PDE1C: variants seen among roughly 807,000 people sequenced by gnomAD.
The protein encoded by PDE1C is dual specificity calcium/calmodulin-dependent 3',5'-cyclic nucleotide phosphodiesterase 1C.
Under a neutral mutation model 93.1 loss-of-function variants are expected in PDE1C, and 62 were observed. The ratio of observed to expected loss-of-function variants is 0.67; its 90% CI spans 0.54 to 0.82. The LOEUF (loss-of-function observed/expected upper bound fraction) is 0.82. Ranked by LOEUF, PDE1C falls within the 40% of genes least tolerant of loss-of-function variation. The probability of loss-of-function intolerance (pLI) is 0.00; values close to 1 mark genes in which losing one functional copy is unlikely to be tolerated. For missense variants in PDE1C, 742 were observed against 884.6 expected, an observed-to-expected ratio of 0.84 and a Z score of 2.04; for synonymous variants, 325 against 310.1, an observed-to-expected ratio of 1.05 and a Z score of -0.50.
At chr7:32,225,024 A>T (rs377746160) in intron 1 of PDE1C, among the ~76,000 whole-genome samples, 12 of 94,138 alleles carry the variant, frequency 1.3e-4, no homozygotes, top group South Asian at 3.2e-4. Context: ...TTCTTATTTA[A>T]AAAAAAAAAA....
chr7:32,258,771 T>C (rs918124440), intron 1 of PDE1C, among the ~76,000 whole-genome samples: 10 of 152,234 alleles, frequency 6.6e-5, no homozygotes, highest in South Asian at 2.1e-4. Flanking sequence ...TGTGATTTTT[T>C]ACTCAAGCCA....
At chr7:31,749,065 C>A (rs989131737), downstream of PDE1C, among the ~76,000 whole-genome samples, 141 of 152,200 alleles carry the variant, frequency 9.3e-4, no homozygotes, top group African/African-American at 3.2e-3. Flanking sequence ...CCTGCAGGGA[C>A]AAGAAATCCT....
At chr7:32,412,161 C>A (rs1183406517) in intron 1 of PDE1C, among the ~76,000 whole-genome samples, 1 of 152,112 alleles carries the variant, frequency 6.6e-6, no homozygotes, top group Non-Finnish European at 1.5e-5. Context: ...GCATTGAAAG[C>A]AGACCAAATA....
chr7:31,785,816 G>A (rs1783866400), intron 16 of PDE1C: 1 of 152,186 alleles, frequency 6.6e-6, no homozygotes, highest in Non-Finnish European at 1.5e-5. Context: ...TCTTTGGTGA[G>A]AGAGAGGAAA....
At chr7:32,133,515 G>A (rs1423722904) in intron 3 of PDE1C, among the ~76,000 whole-genome samples, 6 of 152,152 alleles carry the variant, frequency 3.9e-5, no homozygotes, top group African/African-American at 1.4e-4. Flanking sequence ...CTGCTGCCAG[G>A]GAGTGAGGAA....
At chr7:32,209,348 G>A (rs1445749217) in intron 2 of PDE1C, 1 of 709,318 alleles carries the variant, frequency 1.4e-6, no homozygotes, top group East Asian at 2.9e-5. Context: ...GCTCAAGTGG[G>A]ATGTTAACCA....
chr7:32,057,457 G>A (rs570010693), intron 1 of PDE1C, among the ~76,000 whole-genome samples: 2 of 152,232 alleles, frequency 1.3e-5, no homozygotes, highest in African/African-American at 2.4e-5. Flanking sequence ...CAACGGCTTC[G>A]GTCCATTTAC....
At chr7:32,412,302 A>G (rs1338984390) in intron 1 of PDE1C, among the ~76,000 whole-genome samples, 3 of 151,874 alleles carry the variant, frequency 2.0e-5, no homozygotes, top group Non-Finnish European at 4.4e-5. Context: ...CTAAAAATAC[A>G]AAAATTAGCC....
At chr7:32,234,190 GA>G (rs938115310) in intron 1 of PDE1C, among the ~76,000 whole-genome samples, 1 of 151,654 alleles carries the variant, frequency 6.6e-6, no homozygotes, top group Non-Finnish European at 1.5e-5. Context: ...ATTTTATTAG[GA>G]AAAAAGAGTT....
chr7:31,775,779 A>G, intron 16 of PDE1C, 47 bp from the exon 17 acceptor site: 1 of 1,467,920 alleles, frequency 6.8e-7, no homozygotes, highest in East Asian at 2.3e-5. Context: ...TTGTGGAAAA[A>G]CCTGTTGGAC....
At chr7:31,666,838 A>G in the PDE1C span, among the ~76,000 whole-genome samples, 3 of 152,094 alleles carry the variant, frequency 2.0e-5, no homozygotes, top group East Asian at 5.8e-4. Flanking sequence ...TCTTTACCAG[A>G]TGTATGTTGT....
intron 9 of PDE1C, among the ~76,000 whole-genome samples, chr7:31,843,141 C>G (rs1170353719): frequency 6.6e-6 from 1 of 151,834 alleles, no homozygotes; most frequent in East Asian, 1.9e-4. Flanking sequence ...TTTAAAATGT[C>G]TCAGCATGTG....
At chr7:32,303,418 T>C (rs548758761), upstream of PDE1C, among the ~76,000 whole-genome samples, 1 of 152,276 alleles carries the variant, frequency 6.6e-6, no homozygotes, top group East Asian at 1.9e-4. Flanking sequence ...TTTAGAATTT[T>C]TACAGGAAGA....
chr7:31,861,772 G>T (rs1316445120), intron 7 of PDE1C, among the ~76,000 whole-genome samples: 1 of 152,086 alleles, frequency 6.6e-6, no homozygotes, highest in Non-Finnish European at 1.5e-5. Context: ...AATTTTCCTA[G>T]CAGGCTGCCT....
the PDE1C span, among the ~76,000 whole-genome samples, chr7:31,625,587 A>C: frequency 6.6e-6 from 1 of 152,098 alleles, no homozygotes; most frequent in East Asian, 1.9e-4. Flanking sequence ...ACACATGGAC[A>C]CAGGAGAGGG....
chr7:32,137,166 C>T (rs187900697), intron 3 of PDE1C, among the ~76,000 whole-genome samples: 1 of 152,284 alleles, frequency 6.6e-6, no homozygotes, highest in Non-Finnish European at 1.5e-5. Flanking sequence ...CAATGTTAAA[C>T]CCAACATGTA....
rs138484385 is a variant in PDE1C, at chr7:32,009,439, C to A, written c.128+42115G>T. Among the ~76,000 whole-genome samples, 191 of 152,292 alleles carry A rather than the reference C, an allele frequency of 1.3e-3. No homozygotes were observed. In the Middle Eastern group the frequency reaches 0.02, roughly 16 times the overall value. Reference sequence around the variant, plus strand: ...GAGTATCCAGCTAAGTAAGGATGAACGCATGCATATGAGAAAGACATGGCT... The same window carrying A: ...GAGTATCCAGCTAAGTAAGGATGAAAGCATGCATATGAGAAAGACATGGCT... On this transcript the variant is annotated intron_variant, in intron 2 of 17. Coordinates refer to ENST00000396191, the MANE Select transcript of PDE1C (RefSeq NM_001191057.4).
chr7:31,874,899 G>C lies in PDE1C; in HGVS notation c.493-1491C>G, dbSNP rs185108411. 2.7e-3 allele frequency among the ~76,000 whole-genome samples: 411 copies of C among 152,358 alleles called. 8 individuals carry two copies. The highest frequency in any genetic ancestry group is 4.7e-4 in the Non-Finnish European group (32 of 68,038). ...GTTTTATAGATGGCAACCTCAGAGAGATTAATTGAAATGTCTAGTGCCATA... is the reference window on the plus strand; with the variant it reads ...GTTTTATAGATGGCAACCTCAGAGACATTAATTGAAATGTCTAGTGCCATA... On this transcript the variant is annotated intron_variant, in intron 5 of 17. Transcript: ENST00000396191.
chr7:31,869,000 G>C (rs1407996869), intron 6 of PDE1C, among the ~76,000 whole-genome samples: 1 of 151,974 alleles, frequency 6.6e-6, no homozygotes, highest in African/African-American at 2.4e-5. Flanking sequence ...AAATGCAGAG[G>C]GAATTCCTTA....
Sources: gnomAD v4.1 joint callset for allele counts (sites outside exome capture counted in the v4.1 genomes callset) on GRCh38, gnomAD v4.1.1 for gene constraint, MANE v1.5 for transcripts, NCBI Gene and HGNC (gene_info 2026-07-23, HGNC 2026-07-21) for gene names.